The following ELAPOR2 variants were observed in gnomAD, a reference collection of about 807,000 sequenced individuals.
ELAPOR2 encodes endosome-lysosome associated apoptosis and autophagy regulator family member 2.
In ELAPOR2, 89 loss-of-function variants were observed where a neutral mutation model predicts 120.7. The observed-to-expected ratio is 0.74, with a 90% CI of 0.62 to 0.88. The LOEUF (loss-of-function observed/expected upper bound fraction) is 0.88, where lower values mean the gene tolerates loss of function less well. ELAPOR2 is among the 40% of genes least tolerant of loss of function. ELAPOR2 has a pLI of 0.00. For synonymous variants in ELAPOR2, 444 were observed against 444.9 expected, an observed-to-expected ratio of 1.00 and a Z score of 0.03; for missense variants, 1,134 against 1,251.6, an observed-to-expected ratio of 0.91 and a Z score of 1.42.
intron 1 of ELAPOR2, among the ~76,000 whole-genome samples, chr7:87,012,278 C>CGG (rs1562967710): frequency 2.0e-5 from 3 of 152,012 alleles, no homozygotes; most frequent in South Asian, 4.1e-4. Context: ...GGCATGGTGG[C>CGG]GCATGCCTGT....
At chr7:87,032,821 A>T (rs574153837) in intron 1 of ELAPOR2, among the ~76,000 whole-genome samples, 5 of 152,332 alleles carry the variant, frequency 3.3e-5, no homozygotes, top group African/African-American at 1.2e-4. Context: ...CTGCACAGAC[A>T]TGCTATCAAG....
At chr7:86,949,001 G>A (rs949204955) in intron 2 of ELAPOR2, among the ~76,000 whole-genome samples, 5 of 152,092 alleles carry the variant, frequency 3.3e-5, no homozygotes, top group Non-Finnish European at 7.4e-5. Context: ...AACTTAGCCA[G>A]AAATAAAAAT....
intron 1 of ELAPOR2, among the ~76,000 whole-genome samples, chr7:86,993,246 A>AAAAAAAG (rs796528835): frequency 0.06 from 8,596 of 143,660 alleles, 381 homozygotes; most frequent in Admixed American, 0.084. Context: ...AAAAAAAAAA[A>AAAAAAAG]AAAAGAAAAA....
intron 1 of ELAPOR2, among the ~76,000 whole-genome samples, chr7:87,013,131 A>G (rs1445764173): frequency 6.6e-6 from 1 of 152,182 alleles, no homozygotes; most frequent in Non-Finnish European, 1.5e-5. Context: ...ATACCACAAG[A>G]ATATATGCAA....
At chr7:86,939,902 A>C (rs572781104) in intron 6 of ELAPOR2, 108 bp downstream of exon 6, 1 of 572,766 alleles carries the variant, frequency 1.7e-6, no homozygotes, top group South Asian at 3.4e-5. Context: ...TAACATATTA[A>C]TTTCTGTTCT....
At chr7:87,055,761 C>G (rs1412161435) in intron 1 of ELAPOR2, among the ~76,000 whole-genome samples, 1 of 152,118 alleles carries the variant, frequency 6.6e-6, no homozygotes, top group Non-Finnish European at 1.5e-5. Context: ...CTGTCTCATC[C>G]TTATCCAATT....
chr7:86,943,635 G>T (rs965049896), intron 4 of ELAPOR2, among the ~76,000 whole-genome samples: 6 of 151,910 alleles, frequency 3.9e-5, no homozygotes, highest in African/African-American at 1.2e-4. Flanking sequence ...ATCTCTCAAA[G>T]AACTTATTGG....
At chr7:86,937,886 C>T (rs940891268) in intron 8 of ELAPOR2, among the ~76,000 whole-genome samples, 1 of 151,956 alleles carries the variant, frequency 6.6e-6, no homozygotes, top group African/African-American at 2.4e-5. Flanking sequence ...CAATATCATC[C>T]ATATTATACA....
In ELAPOR2 at chr7:86,893,459, T is replaced by C. The variant is rs187253657; in HGVS notation, c.2686-359A>G. ...CCTTCTGGGCTATTTTTTTTTTTAA[T>C]TTTGATGCCTTTAAACATCTTACTC... On this transcript the variant is annotated intron_variant, in intron 19 of 21. Transcript: ENST00000450689. Among the ~76,000 whole-genome samples, 18 of 152,006 alleles carry C rather than the reference T, an allele frequency of 1.2e-4. No individual in the cohort carries two copies. The East Asian group carries it at 3.1e-3, about 26-fold the overall frequency.
chr7:86,973,014 T>A (rs1792156846), intron 1 of ELAPOR2, among the ~76,000 whole-genome samples: 1 of 152,154 alleles, frequency 6.6e-6, no homozygotes, highest in Admixed American at 6.5e-5. Context: ...TCCCACATAG[T>A]AGGCAAGGGT....
intron 8 of ELAPOR2, among the ~76,000 whole-genome samples, chr7:86,929,298 TAA>T (rs1286188855): frequency 3.9e-5 from 6 of 151,978 alleles, no homozygotes; most frequent in Non-Finnish European, 8.8e-5. Flanking sequence ...ACAAATGCAC[TAA>T]GTCTTTATAA....
At chr7:87,024,611 A>G (rs184064093) in intron 1 of ELAPOR2, among the ~76,000 whole-genome samples, 9 of 152,136 alleles carry the variant, frequency 5.9e-5, no homozygotes, top group Non-Finnish European at 8.8e-5. Context: ...CTCTTTTTCT[A>G]TTGATTGGAA....
intron 2 of ELAPOR2, among the ~76,000 whole-genome samples, chr7:86,962,547 G>A (rs1490100090): frequency 6.6e-6 from 1 of 152,186 alleles, no homozygotes; most frequent in African/African-American, 2.4e-5. Flanking sequence ...ATCTTCGAGT[G>A]GCAGGTTAAC....
In ELAPOR2 at chr7:86,910,124, T is replaced by C. The variant is rs1584337581; in HGVS notation, c.2170-123A>G. The C allele has an allele frequency of 9.5e-6, 7 of 735,916 alleles. No individual in the cohort carries two copies. The East Asian group carries it at 1.9e-4, about 20-fold the overall frequency. 45.6% of individuals were successfully genotyped at this position (735,916 alleles called of 1,614,324 possible). ...CCTCACTGCAAGGATTCTGATTTAG[T>C]TGATCTGGTATGAGGCCTAGCCACC... On this transcript the variant is annotated intron_variant, in intron 15 of 21. Coordinates refer to ENST00000450689, the MANE Select transcript of ELAPOR2 (RefSeq NM_001142749.3).
chr7:86,973,446 C>A (rs1431925355), intron 1 of ELAPOR2, among the ~76,000 whole-genome samples: 1 of 152,114 alleles, frequency 6.6e-6, no homozygotes, highest in East Asian at 1.9e-4. Flanking sequence ...TGTATGATAA[C>A]AAATCACTGT....
At chr7:86,952,873 C>T (rs991251693) in intron 2 of ELAPOR2, among the ~76,000 whole-genome samples, 18 of 151,888 alleles carry the variant, frequency 1.2e-4, no homozygotes, top group Non-Finnish European at 2.5e-4. Context: ...GGCAGGCAGA[C>T]TGCTTGAGGT....
At chr7:87,026,208 T>C (rs866598808) in intron 1 of ELAPOR2, among the ~76,000 whole-genome samples, 10 of 152,198 alleles carry the variant, frequency 6.6e-5, no homozygotes, top group Admixed American at 6.6e-5. Context: ...TTAGGTTTCA[T>C]TGAGCCGTGG....
chr7:86,882,716 T>C (rs893985504), intron 21 of ELAPOR2, among the ~76,000 whole-genome samples: 11 of 152,154 alleles, frequency 7.2e-5, no homozygotes, highest in Admixed American at 2.6e-4. Flanking sequence ...TAAAAATCTA[T>C]TGAAATACCA....
In ELAPOR2 at chr7:87,059,209, T is replaced by C. The variant is rs1795355402; in HGVS notation, c.189+116A>G. On this transcript the variant is annotated intron_variant, in intron 1 of 21. Coordinates refer to ENST00000450689, the MANE Select transcript of ELAPOR2 (RefSeq NM_001142749.3). ...CCCTCGAAGCAAACGAAAGCCCCTGTTCTCCAAGCAAAGGAAAAGGGGATG... is the reference window on the plus strand; with the variant it reads ...CCCTCGAAGCAAACGAAAGCCCCTGCTCTCCAAGCAAAGGAAAAGGGGATG... 3 of 1,224,376 alleles carry C rather than the reference T, an allele frequency of 2.5e-6. No individual in the cohort carries two copies. The African/African-American group carries it at 4.7e-5, about 19-fold the overall frequency. The allele number at this position is 1,224,376 out of a possible 1,614,324, so 75.8% of individuals were successfully genotyped here.
Sources: allele counts gnomAD v4.1 joint callset (sites outside exome capture counted in the v4.1 genomes callset), GRCh38; gene constraint gnomAD v4.1.1; transcripts MANE v1.5; gene names NCBI Gene and HGNC (gene_info 2026-07-23, HGNC 2026-07-21).